ARHGAP24: variants seen among roughly 807,000 people sequenced by gnomAD.
ARHGAP24 encodes Rho GTPase activating protein 24, also known as rho GTPase-activating protein 24.
ARHGAP24 carries 50 observed loss-of-function variants against 76.4 expected under a neutral mutation model. The ratio of observed to expected loss-of-function variants is 0.65; its 90% confidence interval spans 0.52 to 0.83. The LOEUF is 0.83. Ranked by LOEUF, ARHGAP24 falls within the 40% of genes least tolerant of loss-of-function variation. The pLI is 0.00. For synonymous variants in ARHGAP24, 345 were observed against 323.3 expected, an observed-to-expected ratio of 1.07 and a Z score of -0.72; for missense variants, 930 against 914.2, an observed-to-expected ratio of 1.02 and a Z score of -0.22.
chr4:85,545,128 T>G (rs1411590719), intron 1 of ARHGAP24, among the ~76,000 whole-genome samples: 1 of 151,612 alleles, frequency 6.6e-6, no homozygotes, highest in Admixed American at 6.6e-5. Flanking sequence ...TGAGATGGAG[T>G]TTTACTTGTC....
intron 6 of ARHGAP24, 71 bp from the exon 7 acceptor site, chr4:85,974,817 C>T: frequency 7.1e-7 from 1 of 1,413,224 alleles, no homozygotes; most frequent in Non-Finnish European, 9.9e-7. Context: ...AATTATATGG[C>T]CATTTCGACT....
At chr4:85,782,734 A>C (rs1483617795) in intron 3 of ARHGAP24, among the ~76,000 whole-genome samples, 1 of 152,180 alleles carries the variant, frequency 6.6e-6, no homozygotes, top group Non-Finnish European at 1.5e-5. Flanking sequence ...CCAGGGAAAA[A>C]AGATACTCAA....
intron 3 of ARHGAP24, among the ~76,000 whole-genome samples, chr4:85,745,104 A>C (rs1725975733): frequency 6.6e-6 from 1 of 151,960 alleles, no homozygotes; most frequent in Non-Finnish European, 1.5e-5. Flanking sequence ...GATATGAGTA[A>C]ATTTGTGCCC....
At chr4:85,590,192 G>GCCTGCCTGCCTGCCTTCCTT (rs1560543834) in intron 2 of ARHGAP24, among the ~76,000 whole-genome samples, 4 of 111,238 alleles carry the variant, frequency 3.6e-5, no homozygotes, top group African/African-American at 1.4e-4. Flanking sequence ...CTGCCTGCCT[G>GCCTGCCTGCCTGCCTTCCTT]CCTTCCTTCC....
rs539824399 is a variant in ARHGAP24, at chr4:85,785,291, C to A, written c.268+63319C>A. 4.6e-5 allele frequency among the ~76,000 whole-genome samples: 7 copies of A among 152,184 alleles called. No homozygotes were observed. The East Asian group carries it at 1.4e-3, about 29-fold the overall frequency. On this transcript the variant is annotated intron_variant, in intron 3 of 9. Transcript: ENST00000395184. ...GTACTAGACATTATAAAAATGGAAT[C>A]AAATTTATCTTAAAGAGACTGCTTT...
chr4:85,628,847 C>T (rs562756590), intron 2 of ARHGAP24, among the ~76,000 whole-genome samples: 13 of 151,936 alleles, frequency 8.6e-5, no homozygotes, highest in Non-Finnish European at 1.6e-4. Context: ...ATATCTTTTC[C>T]TTCTTTAATT....
At chr4:85,832,556 T>C (rs1418441302) in intron 3 of ARHGAP24, among the ~76,000 whole-genome samples, 3 of 152,208 alleles carry the variant, frequency 2.0e-5, no homozygotes, top group Non-Finnish European at 4.4e-5. Context: ...CATTTTGCCA[T>C]GTGCGGTGTT....
chr4:85,926,724 G>T (rs1005077806), intron 4 of ARHGAP24, among the ~76,000 whole-genome samples: 3 of 151,810 alleles, frequency 2.0e-5, no homozygotes, highest in East Asian at 1.9e-4. Context: ...CTTTTCTGCC[G>T]ATTTGCAATA....
chr4:85,543,567 T>C (rs1725792975), intron 1 of ARHGAP24, among the ~76,000 whole-genome samples: 1 of 152,092 alleles, frequency 6.6e-6, no homozygotes, highest in Non-Finnish European at 1.5e-5. Flanking sequence ...ACTAACTGAT[T>C]TTATAGTATT....
intron 2 of ARHGAP24, among the ~76,000 whole-genome samples, chr4:85,652,217 CTTT>C (rs1339053395): frequency 1.3e-5 from 2 of 152,072 alleles, no homozygotes; most frequent in Admixed American, 6.6e-5. Context: ...ATTTTGACTT[CTTT>C]ATTTTGTGAT....
chr4:85,775,097 A>C (rs993658897), intron 3 of ARHGAP24, among the ~76,000 whole-genome samples: 1 of 152,218 alleles, frequency 6.6e-6, no homozygotes, highest in Non-Finnish European at 1.5e-5. Context: ...GAAGAACAAA[A>C]GATCATTTCA....
intron 1 of ARHGAP24, among the ~76,000 whole-genome samples, chr4:85,490,445 T>C (rs1723307331): frequency 1.3e-5 from 2 of 152,332 alleles, no homozygotes; most frequent in Non-Finnish European, 2.9e-5. Flanking sequence ...TTAGATGCTT[T>C]TTCTTGAGTT....
chr4:85,679,255 G>C (rs759339193), intron 2 of ARHGAP24, among the ~76,000 whole-genome samples: 2 of 152,100 alleles, frequency 1.3e-5, no homozygotes, highest in Non-Finnish European at 2.9e-5. Context: ...CATACTCTCA[G>C]TTCATCTTTC....
chr4:85,677,805 T>C (rs1578133085), intron 2 of ARHGAP24, among the ~76,000 whole-genome samples: 1 of 152,204 alleles, frequency 6.6e-6, no homozygotes, highest in Admixed American at 6.5e-5. Flanking sequence ...CTAATTTTAA[T>C]GTGCTAATTA....
intron 4 of ARHGAP24, among the ~76,000 whole-genome samples, chr4:85,933,419 T>C (rs2148818834): frequency 6.6e-6 from 1 of 152,276 alleles, no homozygotes; most frequent in East Asian, 1.9e-4. Context: ...AGCTTGCATG[T>C]TGTGCAAGCT....
chr4:85,528,168 G>T (rs1277948066), intron 1 of ARHGAP24, among the ~76,000 whole-genome samples: 1 of 152,036 alleles, frequency 6.6e-6, no homozygotes, highest in Admixed American at 6.6e-5. Flanking sequence ...GAAAGGACCA[G>T]TCCATACAAA....
At chr4:85,660,021 G>A (rs968399290) in intron 2 of ARHGAP24, among the ~76,000 whole-genome samples, 1 of 152,174 alleles carries the variant, frequency 6.6e-6, no homozygotes, top group African/African-American at 2.4e-5. Context: ...GCTAGGGGGA[G>A]TTGCCCTTAT....
chr4:85,828,572 A>G (rs1729836347), intron 3 of ARHGAP24, among the ~76,000 whole-genome samples: 1 of 151,570 alleles, frequency 6.6e-6, no homozygotes, highest in Non-Finnish European at 1.5e-5. Context: ...CTATCTTTTG[A>G]TGTACTTACA....
At chr4:85,793,194 A>G (rs1728203617) in intron 3 of ARHGAP24, among the ~76,000 whole-genome samples, 1 of 152,194 alleles carries the variant, frequency 6.6e-6, no homozygotes, top group African/African-American at 2.4e-5. Flanking sequence ...AGGTTTGTCT[A>G]AATAGTAAGC....
Sources: allele counts gnomAD v4.1 joint callset (sites outside exome capture counted in the v4.1 genomes callset), GRCh38; gene constraint gnomAD v4.1.1; transcripts MANE v1.5; gene names NCBI Gene and HGNC (gene_info 2026-07-23, HGNC 2026-07-21).